Variants in CACNA2D3 observed in about 807,000 individuals in gnomAD.
CACNA2D3 encodes voltage-dependent calcium channel subunit alpha-2/delta-3.
Under a neutral mutation model 160.6 loss-of-function variants are expected in CACNA2D3, and 60 were observed. That is an observed-to-expected ratio of 0.37 (90% CI 0.30 to 0.46). The LOEUF is 0.46. CACNA2D3 is among the 20% of genes least tolerant of loss of function. CACNA2D3 has a pLI of 1.00. For missense variants in CACNA2D3, 1,205 were observed against 1,365.0 expected, an observed-to-expected ratio of 0.88 and a Z score of 1.85; for synonymous variants, 558 against 492.9, an observed-to-expected ratio of 1.13 and a Z score of -1.75.
At chr3:54,157,164 C>T (rs1392881174) in intron 2 of CACNA2D3, among the ~76,000 whole-genome samples, 1 of 152,142 alleles carries the variant, frequency 6.6e-6, no homozygotes, top group African/African-American at 2.4e-5. Flanking sequence ...CATGGTCTTT[C>T]CCCTGTGTGC....
intron 11 of CACNA2D3, among the ~76,000 whole-genome samples, chr3:54,661,728 T>C (rs1331959358): frequency 6.6e-6 from 1 of 152,118 alleles, no homozygotes; most frequent in African/African-American, 2.4e-5. Flanking sequence ...CAGTTTCCTC[T>C]TGCTGCAATA....
At chr3:54,945,162 C>T (rs1701581408) in intron 27 of CACNA2D3, among the ~76,000 whole-genome samples, 1 of 152,100 alleles carries the variant, frequency 6.6e-6, no homozygotes, top group South Asian at 2.1e-4. Context: ...ACTCATTTTC[C>T]CAGTTCAGCC....
chr3:54,555,829 A>G (rs1702234098), intron 5 of CACNA2D3, among the ~76,000 whole-genome samples: 1 of 152,236 alleles, frequency 6.6e-6, no homozygotes, highest in Non-Finnish European at 1.5e-5. Flanking sequence ...AATTCACTTT[A>G]TTGAGCAGAG....
chr3:54,867,834 A>G (rs990562499), intron 17 of CACNA2D3, among the ~76,000 whole-genome samples: 4 of 152,134 alleles, frequency 2.6e-5, no homozygotes, highest in African/African-American at 9.7e-5. Context: ...TCTCATTTGA[A>G]TTTGCGTGGG....
intron 13 of CACNA2D3, among the ~76,000 whole-genome samples, chr3:54,778,464 G>T (rs1006863580): frequency 3.3e-5 from 5 of 151,676 alleles, no homozygotes; most frequent in African/African-American, 1.2e-4. Context: ...AAGCCTCTGG[G>T]CTTATCCTTT....
At chr3:54,130,857 G>C (rs1475650003) in intron 2 of CACNA2D3, among the ~76,000 whole-genome samples, 1 of 152,248 alleles carries the variant, frequency 6.6e-6, no homozygotes, top group African/African-American at 2.4e-5. Flanking sequence ...ACAGCTGAGA[G>C]GGCATAGCCT....
At chr3:54,984,109 A>G (rs765672570) in intron 29 of CACNA2D3, among the ~76,000 whole-genome samples, 5 of 152,150 alleles carry the variant, frequency 3.3e-5, no homozygotes, top group East Asian at 3.9e-4. Context: ...GCCTCAGTCT[A>G]TGAACAAATT....
At chr3:54,165,270 C>T (rs1700429552) in intron 2 of CACNA2D3, among the ~76,000 whole-genome samples, 1 of 151,980 alleles carries the variant, frequency 6.6e-6, no homozygotes. Flanking sequence ...CCAAATGTCA[C>T]CCCCCACCAA....
At chr3:54,811,237 A>T (rs889721635) in intron 13 of CACNA2D3, among the ~76,000 whole-genome samples, 4 of 152,050 alleles carry the variant, frequency 2.6e-5, no homozygotes, top group Non-Finnish European at 5.9e-5. Flanking sequence ...GTTTTTCCTC[A>T]ACTGTGCTTC....
At chr3:54,956,010 A>G (rs1397052422) in intron 27 of CACNA2D3, among the ~76,000 whole-genome samples, 2 of 152,152 alleles carry the variant, frequency 1.3e-5, no homozygotes, top group African/African-American at 4.8e-5. Flanking sequence ...AATGAGAGGG[A>G]AAAAAGTGCG....
intron 2 of CACNA2D3, 35 bp from the exon 3 acceptor site, chr3:54,320,406 GT>G: frequency 9.4e-7 from 1 of 1,060,792 alleles, no homozygotes; most frequent in South Asian, 1.5e-5. Context: ...GTTTTACGGT[GT>G]CATGTGTCTT....
chr3:54,333,907 T>G (rs1321228660), intron 3 of CACNA2D3, among the ~76,000 whole-genome samples: 1 of 152,228 alleles, frequency 6.6e-6, no homozygotes, highest in Non-Finnish European at 1.5e-5. Flanking sequence ...GAGGCAGTTA[T>G]AAGGAGACAA....
chr3:54,681,141 G>C (rs1019116637), intron 11 of CACNA2D3, among the ~76,000 whole-genome samples: 2 of 147,394 alleles, frequency 1.4e-5, no homozygotes, highest in Non-Finnish European at 3.0e-5. Context: ...GAGAGAGACA[G>C]AGAGAGAAGA....
intron 35 of CACNA2D3, among the ~76,000 whole-genome samples, chr3:55,024,454 C>A (rs1703522442): frequency 6.6e-6 from 1 of 151,970 alleles, no homozygotes; most frequent in Non-Finnish European, 1.5e-5. Flanking sequence ...GAAGAGAGGC[C>A]TTTAGGAGAT....
At chr3:54,480,625 C>T (rs1429422795) in intron 4 of CACNA2D3, among the ~76,000 whole-genome samples, 1 of 152,126 alleles carries the variant, frequency 6.6e-6, no homozygotes, top group Non-Finnish European at 1.5e-5. Flanking sequence ...ATGGGCCTTT[C>T]TGTAATATAA....
At chr3:54,436,659 C>T (rs1700064732) in intron 4 of CACNA2D3, among the ~76,000 whole-genome samples, 3 of 152,206 alleles carry the variant, frequency 2.0e-5, no homozygotes. Flanking sequence ...AGCCATCATT[C>T]TCAGCAAACT....
intron 3 of CACNA2D3, among the ~76,000 whole-genome samples, chr3:54,328,447 A>T (rs560909149): frequency 1.6e-3 from 238 of 151,574 alleles, no homozygotes; most frequent in Non-Finnish European, 1.9e-3. Context: ...ACGCCTGGCT[A>T]ATTTTTGTAT....
chr3:54,986,934 G>A (rs1271870911), intron 30 of CACNA2D3, among the ~76,000 whole-genome samples: 1 of 152,196 alleles, frequency 6.6e-6, no homozygotes, highest in African/African-American at 2.4e-5. Context: ...CATGCATGAG[G>A]ATGTTAATTC....
chr3:54,692,213 A>T (rs532522459), intron 11 of CACNA2D3, among the ~76,000 whole-genome samples: 1 of 152,334 alleles, frequency 6.6e-6, no homozygotes, highest in African/African-American at 2.4e-5. Context: ...ATCTCAAGTG[A>T]TCCACCTGCC....
Sources: gnomAD v4.1 joint callset for allele counts (sites outside exome capture counted in the v4.1 genomes callset) on GRCh38, gnomAD v4.1.1 for gene constraint, MANE v1.5 for transcripts, NCBI Gene and HGNC (gene_info 2026-07-23, HGNC 2026-07-21) for gene names.